The following TBCE variants were observed in gnomAD, a reference collection of about 807,000 sequenced individuals.
TBCE encodes the protein tubulin-specific chaperone E.
Under a neutral mutation model 77.0 loss-of-function variants are expected in TBCE, and 53 were observed. The ratio of observed to expected loss-of-function variants is 0.69; its 90% CI spans 0.55 to 0.87. TBCE has a LOEUF of 0.87. TBCE is among the 40% of genes least tolerant of loss of function. The probability of loss-of-function intolerance (pLI) is 0.00; values close to 1 mark genes in which losing one functional copy is unlikely to be tolerated. For synonymous variants in TBCE, 235 were observed against 241.3 expected, an observed-to-expected ratio of 0.97 and a Z score of 0.24; for missense variants, 624 against 622.4, an observed-to-expected ratio of 1.00 and a Z score of -0.03.
chr1:235,399,908 C>T (rs1187788023), intron 2 of TBCE, among the ~76,000 whole-genome samples: 1 of 152,012 alleles, frequency 6.6e-6, no homozygotes, highest in Non-Finnish European at 1.5e-5. Flanking sequence ...GGGGAAAACC[C>T]CCACACATTC....
At chr1:235,430,882 G>A (rs1681046665) in intron 7 of TBCE, 78 bp downstream of exon 7, 7 of 1,142,686 alleles carry the variant, frequency 6.1e-6, no homozygotes, top group South Asian at 1.3e-5. Flanking sequence ...TGTTAGTACA[G>A]TTTAATAGTA....
chr1:235,377,787 G>A (rs543751785), intron 1 of TBCE, among the ~76,000 whole-genome samples: 1 of 152,096 alleles, frequency 6.6e-6, no homozygotes, highest in East Asian at 1.9e-4. Context: ...GAGTAGCTGG[G>A]ATTACAGGCA....
At position 235,435,800 on chromosome 1, in the gene TBCE, A is replaced by G. The variant is rs1319573852; in HGVS notation, c.793A>G (p.Ile265Val). The G allele has an allele frequency of 2.2e-5, 36 of 1,614,100 alleles. No homozygotes were observed. The highest frequency in any genetic ancestry group is 3.0e-5 in the Non-Finnish European group (35 of 1,180,042). Residue 265 changes from isoleucine to valine, a missense_variant, in exon 9 of 17, where the codon ATT (isoleucine) becomes GTT (valine). Physicochemically the swap from Ile to Val is conservative, Grantham distance 29 (BLOSUM62 3). Transcript: ENST00000642610. The part of the protein sequence containing the change: ...KLLDLSSNQL[I>V]DENQLYLIAH... ...ATTAGATCTTTCCTCTAATCAATTAATTGATGAAAATCAGCTGTATCTGAT... is the reference window on the plus strand; with the variant it reads ...ATTAGATCTTTCCTCTAATCAATTAGTTGATGAAAATCAGCTGTATCTGAT...
chr1:235,438,552 T>TTAA (rs540023393), intron 12 of TBCE, among the ~76,000 whole-genome samples: 51 of 146,208 alleles, frequency 3.5e-4, no homozygotes, highest in African/African-American at 1.1e-3. Flanking sequence ...CATCTCAAAT[T>TTAA]AAAAAAAAAA....
At chr1:235,389,028 A>C (rs988470697) in intron 2 of TBCE, among the ~76,000 whole-genome samples, 3 of 152,212 alleles carry the variant, frequency 2.0e-5, no homozygotes, top group Admixed American at 6.5e-5. Flanking sequence ...TCTACAGTAG[A>C]CAGTTCCATA....
rs1160564868 is a variant in TBCE at position 235,451,206 on chromosome 1, C to G, written c.*2444C>G. On this transcript the variant is annotated 3_prime_UTR_variant, in exon 17 of 17. Coordinates refer to ENST00000642610, the MANE Select transcript of TBCE (RefSeq NM_003193.5). The stretch of plus-strand genomic sequence containing the variant: ...CTCAGGGGTGATAAAACAAAACACA[C>G]TCAGCTTGTCTGTCTCAGTCTTGCC... The G allele has an allele frequency of 6.6e-6, 1 of 152,166 alleles. No homozygotes were observed. The highest frequency in any genetic ancestry group is 6.5e-5 in the Admixed American group (1 of 15,268). The allele number at this position is 152,166 out of a possible 1,614,324, so 9.4% of individuals were successfully genotyped here.
chr1:235,439,138 T>A (rs1404479549), intron 13 of TBCE: 1 of 633,440 alleles, frequency 1.6e-6, no homozygotes, highest in Admixed American at 2.8e-5. Flanking sequence ...GGAGACTGTT[T>A]ATGTTCTTGA....
chr1:235,429,098 C>G (rs1042315684), intron 6 of TBCE: 2 of 150,226 alleles, frequency 1.3e-5, no homozygotes, highest in Non-Finnish European at 2.9e-5. Flanking sequence ...AAGGGATTCT[C>G]CTGCCTCAGT....
At chr1:235,406,062 T>G (rs1389566599) in intron 3 of TBCE, among the ~76,000 whole-genome samples, 1 of 152,226 alleles carries the variant, frequency 6.6e-6, no homozygotes, top group Non-Finnish European at 1.5e-5. Context: ...ATAATTGAAG[T>G]ACATATTATC....
intron 15 of TBCE, among the ~76,000 whole-genome samples, chr1:235,444,012 T>C (rs1682074757): frequency 6.6e-6 from 1 of 152,250 alleles, no homozygotes; most frequent in Non-Finnish European, 1.5e-5. Context: ...TTTAGAGCAG[T>C]GAGGATTTAA....
chr1:235,437,419 C>T lies in TBCE; in HGVS notation c.1061C>T (p.Ala354Val), dbSNP rs370039860. The T allele has an allele frequency of 1.3e-5, 21 of 1,614,098 alleles. No individual in the cohort carries two copies. In the South Asian group the frequency reaches 1.5e-4, roughly 12 times the overall value. ...AAAGAGGACAAAGAAGCAGAGACGG[C>T]GCGACTACTCATTATCGCCAGCATT... The part of the protein sequence containing the change: ...LTKEDKEAET[A>V]RLLIIASIGQ... The change falls in exon 12 of 17, where the codon GCG becomes GTG. Residue 354 changes from alanine to valine, a missense_variant. Ala to Val is a moderately conservative substitution (Grantham distance 64). Coordinates refer to ENST00000642610, the MANE Select transcript of TBCE (RefSeq NM_003193.5).
chr1:235,403,301 G>T (rs2102860917), intron 3 of TBCE, among the ~76,000 whole-genome samples: 1 of 152,162 alleles, frequency 6.6e-6, no homozygotes. Context: ...CCACCTCCCT[G>T]GTTCAAGCAA....
chr1:235,383,600 T>C (rs1478409930), intron 2 of TBCE, among the ~76,000 whole-genome samples: 2 of 152,218 alleles, frequency 1.3e-5, no homozygotes, highest in Non-Finnish European at 2.9e-5. Flanking sequence ...ATTTCACTCA[T>C]GATTTGGCTC....
At chr1:235,436,199 G>A in intron 9 of TBCE, 187 bp from the exon 10 acceptor site, 3 of 635,732 alleles carry the variant, frequency 4.7e-6, no homozygotes, top group Middle Eastern at 8.5e-4. Flanking sequence ...GGTGACTATG[G>A]AGTCATTAGA....
chr1:235,430,801 T>C lies in TBCE; in HGVS notation c.657T>C (p.Ala219=). 6.2e-7 allele frequency: 1 copy of C among 1,612,438 alleles called. No homozygotes were observed. The highest frequency in any genetic ancestry group is 8.5e-7 in the Non-Finnish European group (1 of 1,178,664). ...TCAATCAAACAGGAATAACGTGGGC[T>C]GAGGTAATCATATTTCTTTGTTTTA... ...LVLNQTGITW[A]EVLRCVAGCP... Residue 219 remains alanine, a synonymous_variant, in exon 7 of 17, where the codon GCT becomes GCC. Transcript: ENST00000642610.
chr1:235,380,069 C>T lies in TBCE; in HGVS notation c.20C>T (p.Ala7Val), dbSNP rs143317838. The change falls in exon 2 of 17, where the codon GCG becomes GTG. Residue 7 changes from alanine (A) to valine (V), a missense_variant. Coordinates refer to ENST00000642610, the MANE Select transcript of TBCE (RefSeq NM_003193.5). MSDTLT[A>V]DVIGRRVEVN... ...ATTATAATGAGTGACACTTTGACAG[C>T]GGATGTCATTGGTCGAAGAGTTGAA... 9.9e-6 allele frequency: 16 copies of T among 1,613,158 alleles called. No individual in the cohort carries two copies. The highest frequency in any genetic ancestry group is 2.7e-5 in the African/African-American group (2 of 74,840).
chr1:235,436,889 C>T (rs1392080615), intron 11 of TBCE, among the ~76,000 whole-genome samples: 4 of 151,480 alleles, frequency 2.6e-5, no homozygotes, highest in African/African-American at 9.7e-5. Flanking sequence ...GAGGTCGAGG[C>T]GGGCGGATCA....
chr1:235,382,782 G>GT (rs1677760379), intron 2 of TBCE, among the ~76,000 whole-genome samples: 1 of 146,526 alleles, frequency 6.8e-6, no homozygotes, highest in Non-Finnish European at 1.5e-5. Flanking sequence ...TCACTCTGAT[G>GT]GTAGTTTCTT....
chr1:235,415,364 C>T (rs1558373595), intron 4 of TBCE: 1 of 152,178 alleles, frequency 6.6e-6, no homozygotes, highest in Non-Finnish European at 1.5e-5. Context: ...TACAAGGAGG[C>T]TTTCTAGTCA....
Sources: gnomAD v4.1 joint callset for allele counts (sites outside exome capture counted in the v4.1 genomes callset) on GRCh38, gnomAD v4.1.1 for gene constraint, MANE v1.5 for transcripts, NCBI Gene and HGNC (gene_info 2026-07-23, HGNC 2026-07-21) for gene names.